Variants in GSDME observed in about 807,000 individuals in gnomAD.
The protein encoded by GSDME is gasdermin E, also known as gasdermin-E.
A neutral mutation model predicts 47.5 loss-of-function variants in GSDME; 44 were observed. The ratio of observed to expected loss-of-function variants is 0.93; its 90% CI spans 0.73 to 1.19. GSDME has a LOEUF of 1.19. Ranked by LOEUF, GSDME falls within the 50% of genes most tolerant of loss-of-function variation. The pLI is 0.00. For missense variants in GSDME, 663 were observed against 604.2 expected (o/e 1.10, Z -1.02); for synonymous variants, 258 against 252.8 (o/e 1.02, Z -0.20).
At chr7:24,718,540 C>A (rs1048032881) in intron 4 of GSDME, among the ~76,000 whole-genome samples, 7 of 152,330 alleles carry the variant, frequency 4.6e-5, no homozygotes, top group Admixed American at 2.6e-4. Context: ...TCTAGGGATT[C>A]TTTTGCATTT....
intron 3 of GSDME, among the ~76,000 whole-genome samples, chr7:24,737,424 C>T (rs1790345188): frequency 6.6e-6 from 1 of 151,732 alleles, no homozygotes; most frequent in African/African-American, 2.4e-5. Flanking sequence ...AGACACAAAA[C>T]CTACCAAGAT....
chr7:24,710,542 A>C (rs1789312555), intron 5 of GSDME, 154 bp from the exon 6 acceptor site: 1 of 704,352 alleles, frequency 1.4e-6, no homozygotes, highest in South Asian at 1.7e-5. Context: ...TTCGATCCCT[A>C]CACACATTAT....
chr7:24,785,711 T>C, the GSDME span, among the ~76,000 whole-genome samples: 1 of 152,230 alleles, frequency 6.6e-6, no homozygotes, highest in Non-Finnish European at 1.5e-5. Context: ...TGCCTTGGCC[T>C]CCCAAAGTGC....
chr7:24,755,546 C>T (rs80007250), intron 1 of GSDME, among the ~76,000 whole-genome samples: 5,712 of 152,286 alleles, frequency 0.038, 152 homozygotes, highest in Non-Finnish European at 0.056. Flanking sequence ...TCTCAGGGTT[C>T]CCCATGGTGT....
intron 9 of GSDME, 53 bp downstream of exon 9, chr7:24,702,707 C>T (rs1218263623): frequency 6.7e-7 from 1 of 1,485,646 alleles, no homozygotes; most frequent in Non-Finnish European, 9.4e-7. Flanking sequence ...TCTACCCCCT[C>T]ATCATTTCCC....
chr7:24,713,044 G>A (rs552423835), intron 5 of GSDME, among the ~76,000 whole-genome samples: 11 of 150,588 alleles, frequency 7.3e-5, no homozygotes, highest in Non-Finnish European at 1.0e-4. Flanking sequence ...GGAAAAGCAC[G>A]CAACTTTACC....
intron 8 of GSDME, chr7:24,703,929 T>C (rs901889494): frequency 2.6e-5 from 4 of 152,260 alleles, no homozygotes; most frequent in African/African-American, 9.6e-5. Flanking sequence ...TCATCTGCCA[T>C]TACTGCCCTG....
At chr7:24,782,797 T>C in the GSDME span, among the ~76,000 whole-genome samples, 5 of 152,260 alleles carry the variant, frequency 3.3e-5, no homozygotes, top group African/African-American at 9.6e-5. Flanking sequence ...TGGTTTTGAT[T>C]TGCATTTCTC....
chr7:24,716,992 C>T lies in GSDME; in HGVS notation c.697+262G>A, dbSNP rs1789582833. The T allele has an allele frequency of 1.0e-5, 5 of 502,466 alleles. No homozygotes were observed. Among genetic ancestry groups the T allele is most frequent in the Non-Finnish European group, 1.8e-5 (5 of 274,098 alleles). 31.1% of individuals were successfully genotyped at this position (502,466 alleles called of 1,614,324 possible). On this transcript the variant is annotated intron_variant, in intron 5 of 9. Coordinates refer to ENST00000645220, the MANE Select transcript of GSDME (RefSeq NM_001127453.2). This position sits in a 1 kb window ranked among gnomAD's most constrained non-coding sequence, Gnocchi z 4.5. Reference sequence around the variant, plus strand: ...TGCCCAGAGGACACAGCCCAGCCCTCTACTGTGCTGGTGGAACTTTGCCCC... The same window carrying T: ...TGCCCAGAGGACACAGCCCAGCCCTTTACTGTGCTGGTGGAACTTTGCCCC...
the GSDME span, among the ~76,000 whole-genome samples, chr7:24,778,168 G>T: frequency 6.6e-6 from 1 of 151,756 alleles, no homozygotes; most frequent in South Asian, 2.1e-4. This position sits in a 1 kb window ranked among gnomAD's most constrained non-coding sequence, Gnocchi z 5.6. Context: ...GTTTCAAAAT[G>T]TCCCTTCTTA....
the GSDME span, among the ~76,000 whole-genome samples, chr7:24,775,609 G>A: frequency 1.3e-5 from 2 of 152,270 alleles, no homozygotes; most frequent in South Asian, 4.1e-4. Flanking sequence ...GCTCACGCCT[G>A]TAATCCCAGC....
Position 24,745,963 on chromosome 7 carries a change from C to G in GSDME, c.212-1209G>C, listed in dbSNP as rs1281184222. Among the ~76,000 whole-genome samples the G allele has an allele frequency of 6.6e-6, 1 of 152,166 alleles. No homozygotes were observed. Among genetic ancestry groups the G allele is most frequent in the Non-Finnish European group, 1.5e-5 (1 of 68,036 alleles). On this transcript the variant is annotated intron_variant, in intron 2 of 9. Coordinates refer to ENST00000645220, the MANE Select transcript of GSDME (RefSeq NM_001127453.2). This position sits in a 1 kb window ranked among gnomAD's most constrained non-coding sequence, Gnocchi z 4.4. ...CTCACACTTGGCCTTTTCCATTGTC[C>G]TGACCCAAGGCTCTCCTGGGCTCCC...
At chr7:24,743,096 G>C (rs1584099884) in intron 3 of GSDME, among the ~76,000 whole-genome samples, 1 of 152,324 alleles carries the variant, frequency 6.6e-6, no homozygotes, top group Non-Finnish European at 1.5e-5. Context: ...TGGTCCTTCA[G>C]TTCCAGTAAG....
rs534959856 is a variant in GSDME, at chr7:24,743,684, G to T, written c.404+878C>A. ...TTTCCTGCCCTCCCCTTGCTCACTG[G>T]GCACAGGCCACTCTGGCCACTGCCC... On this transcript the variant is annotated intron_variant, in intron 3 of 9. Transcript: ENST00000645220. Among the ~76,000 whole-genome samples, 12 of 152,096 alleles carry T rather than the reference G, an allele frequency of 7.9e-5. No homozygotes were observed. In the East Asian group the frequency reaches 2.3e-3, roughly 29 times the overall value.
chr7:24,727,162 A>C (rs568748482), intron 3 of GSDME, among the ~76,000 whole-genome samples: 84 of 152,276 alleles, frequency 5.5e-4, no homozygotes, highest in Non-Finnish European at 7.8e-4. Context: ...GATCACCTAG[A>C]TCTAACCCAG....
chr7:24,725,908 A>G lies in GSDME; in HGVS notation c.405-6690T>C, dbSNP rs1789950361. ...GAAGTGGACCCTCAAAGCAATTAAG[A>G]GCATGGCTCCATGGACACAGGACAG... On this transcript the variant is annotated intron_variant, in intron 3 of 9. Coordinates refer to ENST00000645220, the MANE Select transcript of GSDME (RefSeq NM_001127453.2). This position sits in a 1 kb window ranked among gnomAD's most constrained non-coding sequence, Gnocchi z 5.1. 6.6e-6 allele frequency among the ~76,000 whole-genome samples: 1 copy of G among 152,150 alleles called. No individual in the cohort carries two copies. The highest frequency in any genetic ancestry group is 1.9e-4 in the East Asian group (1 of 5,190).
intron 9 of GSDME, among the ~76,000 whole-genome samples, chr7:24,701,032 A>C (rs1476007143): frequency 1.3e-5 from 2 of 152,182 alleles, no homozygotes; most frequent in Admixed American, 6.5e-5. Flanking sequence ...GTTCTTGGAA[A>C]TGTGTTAGTG....
chr7:24,782,524 C>T, the GSDME span, among the ~76,000 whole-genome samples: 3 of 152,162 alleles, frequency 2.0e-5, no homozygotes, highest in Non-Finnish European at 4.4e-5. Context: ...CCACAATAAA[C>T]ATACGTGTGC....
chr7:24,737,826 T>C (rs1217579815), intron 3 of GSDME, among the ~76,000 whole-genome samples: 1 of 152,130 alleles, frequency 6.6e-6, no homozygotes, highest in East Asian at 1.9e-4. Flanking sequence ...GGAAGGATGG[T>C]TCAACATATG....
Sources: gnomAD v4.1 joint callset for allele counts (sites outside exome capture counted in the v4.1 genomes callset) on GRCh38, gnomAD v4.1.1 for gene constraint, Gnocchi (gnomAD v3.1) non-coding constraint, MANE v1.5 for transcripts, NCBI Gene and HGNC (gene_info 2026-07-23, HGNC 2026-07-21) for gene names.